TBPL1: variants seen among roughly 807,000 people sequenced by gnomAD.
TBPL1 encodes TATA-box binding protein like 1.
In TBPL1, 4 loss-of-function variants were observed where a neutral mutation model predicts 22.1. The observed-to-expected ratio is 0.18, with a 90% CI of 0.09 to 0.41. TBPL1 has a LOEUF of 0.41. Among genes scored for constraint, TBPL1 ranks in the 10% least tolerant of loss-of-function variants. TBPL1 has a pLI of 1.00. For missense variants in TBPL1, 115 were observed against 222.3 expected (o/e 0.52, Z 3.07); for synonymous variants, 64 against 71.0 (o/e 0.90, Z 0.50).
chr6:133,989,647 G>C lies in TBPL1; in HGVS notation c.*2607G>C, dbSNP rs1381848845. 6.6e-6 allele frequency: 1 copy of C among 152,164 alleles called. No individual in the cohort carries two copies. The highest frequency in any genetic ancestry group is 2.4e-5 in the African/African-American group (1 of 41,436). 9.4% of individuals were successfully genotyped at this position (152,164 alleles called of 1,614,324 possible). ...GCTTCCCCCTGCCAATTTTTATACAGATAATACACTGCAGATCCAGGCCTT... is the reference window on the plus strand; with the variant it reads ...GCTTCCCCCTGCCAATTTTTATACACATAATACACTGCAGATCCAGGCCTT... On this transcript the variant is annotated 3_prime_UTR_variant, in exon 7 of 7. Transcript: ENST00000237264.
At chr6:133,955,232 T>C (rs9493772) in intron 1 of TBPL1, among the ~76,000 whole-genome samples, 21,549 of 147,774 alleles carry the variant, frequency 0.15, 2,036 homozygotes, top group African/African-American at 0.27. Context: ...TTGACCCAGA[T>C]CTAGTTTGCC....
rs1166297755 is a variant in TBPL1, at chr6:133,989,775, T to C, written c.*2735T>C. ...ATGTAATAGATCATGTTTCCTTATA[T>C]GACATTGGGACAGTTTGTTAGGAAC... On this transcript the variant is annotated 3_prime_UTR_variant, in exon 7 of 7. Coordinates refer to ENST00000237264, the MANE Select transcript of TBPL1 (RefSeq NM_004865.4). The C allele has an allele frequency of 2.0e-5, 3 of 152,218 alleles. No homozygotes were observed. The highest frequency in any genetic ancestry group is 3.2e-3 in the Middle Eastern group (1 of 316). The allele number at this position is 152,218 out of a possible 1,614,324, so 9.4% of individuals were successfully genotyped here.
At chr6:133,972,007 A>G (rs1211144969) in intron 1 of TBPL1, among the ~76,000 whole-genome samples, 2 of 152,188 alleles carry the variant, frequency 1.3e-5, no homozygotes. Context: ...TGGTGCTAAA[A>G]TACTGTGATA....
chr6:133,978,541 TG>T (rs533238639), intron 1 of TBPL1, among the ~76,000 whole-genome samples: 135 of 152,350 alleles, frequency 8.9e-4, no homozygotes, highest in African/African-American at 3.0e-3. Flanking sequence ...CAGTTCCTAT[TG>T]TCACCCCTGC....
chr6:133,957,349 T>A (rs550096137), intron 1 of TBPL1, among the ~76,000 whole-genome samples: 1 of 152,296 alleles, frequency 6.6e-6, no homozygotes, highest in African/African-American at 2.4e-5. Flanking sequence ...AGGACAGAGT[T>A]TTCTTAGGAC....
intron 1 of TBPL1, among the ~76,000 whole-genome samples, chr6:133,963,995 C>T (rs895261087): frequency 6.6e-6 from 1 of 152,004 alleles, no homozygotes. Context: ...GAGCCGAGAT[C>T]GTGACACTGC....
chr6:133,975,136 A>G (rs1319611197), intron 1 of TBPL1, among the ~76,000 whole-genome samples: 1 of 152,174 alleles, frequency 6.6e-6, no homozygotes, highest in Non-Finnish European at 1.5e-5. Flanking sequence ...TCAGCTACTG[A>G]TAGTTTGTTC....
intron 1 of TBPL1, among the ~76,000 whole-genome samples, chr6:133,971,788 T>C (rs919056029): frequency 3.3e-5 from 5 of 152,180 alleles, no homozygotes; most frequent in Non-Finnish European, 7.4e-5. Flanking sequence ...ATTATTTCTT[T>C]TGCTGAGTTG....
chr6:133,963,901 C>G (rs977908158), intron 1 of TBPL1, among the ~76,000 whole-genome samples: 2 of 150,884 alleles, frequency 1.3e-5, no homozygotes, highest in Non-Finnish European at 3.0e-5. Context: ...ATTAGCCAGG[C>G]GTGGTGGCGG....
chr6:133,972,607 A>C (rs1583819801), intron 1 of TBPL1, among the ~76,000 whole-genome samples: 3 of 152,306 alleles, frequency 2.0e-5, no homozygotes, highest in East Asian at 3.9e-4. Context: ...GTTCCAATAA[A>C]ACTTTTGCAA....
chr6:133,980,357 C>T, intron 2 of TBPL1, 97 bp downstream of exon 2: 1 of 1,353,040 alleles, frequency 7.4e-7, no homozygotes, highest in Non-Finnish European at 9.8e-7. Context: ...AGTTTATGAG[C>T]ACCTTACCAT....
chr6:133,967,685 A>G (rs139749433), intron 1 of TBPL1, among the ~76,000 whole-genome samples: 226 of 152,316 alleles, frequency 1.5e-3, no homozygotes, highest in African/African-American at 5.4e-3. Context: ...GTATCTAAAC[A>G]TAGGAAAGGT....
intron 2 of TBPL1, among the ~76,000 whole-genome samples, chr6:133,981,364 A>G (rs2114381743): frequency 6.6e-6 from 1 of 152,346 alleles, no homozygotes; most frequent in East Asian, 1.9e-4. Flanking sequence ...TTTGTCAGCA[A>G]TCCCATCCTT....
chr6:133,980,136 A>T lies in TBPL1; in HGVS notation c.11A>T (p.Asp4Val). The change falls in exon 2 of 7, where the codon GAC becomes GTC. Residue 4 changes from aspartate (D) to valine (V), a missense_variant. By Grantham distance (152) the Asp-to-Val change is radical (BLOSUM62 -3). Transcript: ENST00000237264. ...TTTAAAACCACCCCAATGGATGCAG[A>T]CAGTGATGTTGCATTGGACATTCTA... MDA[D>V]SDVALDILIT... 6.4e-7 allele frequency: 1 copy of T among 1,561,854 alleles called. No homozygotes were observed. The highest frequency in any genetic ancestry group is 8.7e-7 in the Non-Finnish European group (1 of 1,155,344).
At chr6:133,982,374 A>G (rs1776431452) in intron 2 of TBPL1, among the ~76,000 whole-genome samples, 194 bp from the exon 3 acceptor site, 2 of 152,218 alleles carry the variant, frequency 1.3e-5, no homozygotes, top group South Asian at 4.1e-4. Context: ...TTAATTAATC[A>G]AATGTCTTTT....
Position 133,986,950 on chromosome 6 carries a change from G to A in TBPL1, c.482-11G>A. 1.9e-6 allele frequency: 3 copies of A among 1,597,750 alleles called. No homozygotes were observed. Among genetic ancestry groups the A allele is most frequent in the Non-Finnish European group, 1.7e-6 (2 of 1,171,728 alleles). ...CTCTTCTCACTCCTTCCTCCATTGT[G>A]TTTATTACAGGGCCCAATGTAAAGG... On this transcript the variant is annotated splice_polypyrimidine_tract_variant and intron_variant, in intron 6 of 6. Transcript: ENST00000237264.
intron 6 of TBPL1, among the ~76,000 whole-genome samples, chr6:133,985,320 A>G (rs1176274223): frequency 8.3e-6 from 1 of 121,052 alleles, no homozygotes; most frequent in Admixed American, 8.5e-5. Flanking sequence ...ATATATATAT[A>G]TATATATATA....
At chr6:133,963,234 T>G (rs1191316801) in intron 1 of TBPL1, among the ~76,000 whole-genome samples, 1 of 152,204 alleles carries the variant, frequency 6.6e-6, no homozygotes, top group Non-Finnish European at 1.5e-5. Context: ...TAAGGATTTA[T>G]GGAGAGGGAA....
chr6:133,959,684 C>T (rs1317375624), intron 1 of TBPL1, among the ~76,000 whole-genome samples: 1 of 151,954 alleles, frequency 6.6e-6, no homozygotes, highest in Non-Finnish European at 1.5e-5. Context: ...GGTTTTACCA[C>T]ATTGACCAGG....
Sources: gnomAD v4.1 joint callset for allele counts (sites outside exome capture counted in the v4.1 genomes callset) on GRCh38, gnomAD v4.1.1 for gene constraint, MANE v1.5 for transcripts, NCBI Gene and HGNC (gene_info 2026-07-23, HGNC 2026-07-21) for gene names.